Variants in INPP4B observed in about 807,000 individuals in gnomAD.
The protein encoded by INPP4B is inositol polyphosphate 4-phosphatase type II.
In INPP4B, 55 loss-of-function variants were observed where a neutral mutation model predicts 122.5. The observed-to-expected ratio is 0.45, with a 90% CI of 0.36 to 0.56. The LOEUF is 0.56. Ranked by LOEUF, INPP4B falls within the 20% of genes least tolerant of loss-of-function variation. The pLI is 0.00. For synonymous variants in INPP4B, 403 were observed against 388.7 expected, an observed-to-expected ratio of 1.04 and a Z score of -0.43; for missense variants, 1,000 against 1,097.7, an observed-to-expected ratio of 0.91 and a Z score of 1.26.
chr4:142,029,660 A>C (rs1398536053), intron 25 of INPP4B: 1 of 985,626 alleles, frequency 1.0e-6, no homozygotes, highest in Non-Finnish European at 1.2e-6. Flanking sequence ...GCAGCAAAGA[A>C]GTAAAACAGG....
chr4:142,448,940 AC>A (rs1813538500), intron 3 of INPP4B, among the ~76,000 whole-genome samples: 2 of 152,164 alleles, frequency 1.3e-5, no homozygotes, highest in Admixed American at 6.5e-5. Context: ...TCTCACGGAG[AC>A]CCCTGACCAG....
chr4:142,337,533 C>A (rs1243109819), intron 7 of INPP4B, among the ~76,000 whole-genome samples: 1 of 150,758 alleles, frequency 6.6e-6, no homozygotes, highest in East Asian at 1.9e-4. Flanking sequence ...TAATAATTAT[C>A]TGATTATTAA....
intron 8 of INPP4B, among the ~76,000 whole-genome samples, chr4:142,312,220 C>A (rs3775699): frequency 2.0e-5 from 3 of 151,948 alleles, no homozygotes; most frequent in Non-Finnish European, 4.4e-5. Context: ...CTCATTAACA[C>A]GCCTTGATGA....
At position 142,686,722 on chromosome 4, in the gene INPP4B, T is replaced by C. The variant is rs562616438; in HGVS notation, c.-191+39117A>G. Among the ~76,000 whole-genome samples the C allele has an allele frequency of 1.2e-4, 18 of 152,256 alleles. No individual in the cohort carries two copies. The East Asian group carries it at 1.7e-3, about 15-fold the overall frequency. ...AGATAGCATACTTCAAACACAGTTT[T>C]ATCAGTTATAATATTTGCTTATTCC... On this transcript the variant is annotated intron_variant, in intron 2 of 25. Coordinates refer to ENST00000262992, the MANE Select transcript of INPP4B (RefSeq NM_001101669.3).
At chr4:142,237,326 C>T (rs1857109368) in intron 12 of INPP4B, among the ~76,000 whole-genome samples, 1 of 151,916 alleles carries the variant, frequency 6.6e-6, no homozygotes, top group Admixed American at 6.6e-5. Context: ...GGCCAGATAC[C>T]AAGGTATCCA....
At chr4:142,397,800 C>CT (rs1463911041) in intron 7 of INPP4B, among the ~76,000 whole-genome samples, 1 of 151,848 alleles carries the variant, frequency 6.6e-6, no homozygotes, top group African/African-American at 2.4e-5. Flanking sequence ...CATTGAGCCA[C>CT]TGCATTCCAG....
chr4:142,417,844 G>A (rs573530719), intron 5 of INPP4B, among the ~76,000 whole-genome samples: 2 of 152,156 alleles, frequency 1.3e-5, no homozygotes, highest in Admixed American at 6.6e-5. Context: ...CTTCCCTCAC[G>A]GGCACATGTT....
chr4:142,641,302 G>C (rs1272895178), intron 2 of INPP4B, among the ~76,000 whole-genome samples: 1 of 151,508 alleles, frequency 6.6e-6, no homozygotes, highest in Non-Finnish European at 1.5e-5. Flanking sequence ...TAAGTTCTAG[G>C]GTACATGTGC....
intron 16 of INPP4B, among the ~76,000 whole-genome samples, chr4:142,165,132 T>G (rs904386781): frequency 4.0e-5 from 6 of 151,770 alleles, no homozygotes; most frequent in African/African-American, 1.2e-4. Flanking sequence ...CTGTTTTCAT[T>G]GCAAAGCCCT....
intron 17 of INPP4B, among the ~76,000 whole-genome samples, chr4:142,156,314 C>A (rs375185110): frequency 6.6e-6 from 1 of 152,042 alleles, no homozygotes; most frequent in Non-Finnish European, 1.5e-5. Flanking sequence ...CAGTGTTCCA[C>A]AGAATTTCAG....
At position 142,024,299 on chromosome 4, in the gene INPP4B, G is replaced by A. The variant is rs761358877; in HGVS notation, c.*4483C>T. Reference sequence around the variant, plus strand: ...TAAGCTAAGAAACATAAATACAGGTGGGAAAAAGCATAGCTTATGTAGATT... The same window carrying A: ...TAAGCTAAGAAACATAAATACAGGTAGGAAAAAGCATAGCTTATGTAGATT... On this transcript the variant is annotated 3_prime_UTR_variant, in exon 26 of 26. Transcript: ENST00000262992. 2.6e-5 allele frequency: 4 copies of A among 152,016 alleles called. No individual in the cohort carries two copies. Among genetic ancestry groups the A allele is most frequent in the South Asian group, 2.1e-4 (1 of 4,820 alleles). The allele number at this position is 152,016 out of a possible 1,614,324, so 9.4% of individuals were successfully genotyped here. A position where few individuals can be genotyped will look rare whatever the true frequency, so the allele number is the denominator to read the frequency against.
intron 2 of INPP4B, among the ~76,000 whole-genome samples, chr4:142,626,206 A>T (rs1455334886): frequency 6.6e-6 from 1 of 152,064 alleles, no homozygotes; most frequent in Admixed American, 6.6e-5. Context: ...AACCTACAAA[A>T]TTCACTCCTT....
chr4:142,786,359 G>T (rs982346207), intron 1 of INPP4B, among the ~76,000 whole-genome samples: 1 of 151,976 alleles, frequency 6.6e-6, no homozygotes, highest in Non-Finnish European at 1.5e-5. Context: ...AACAATTTAA[G>T]CAAAAAATAA....
At chr4:142,713,476 T>C (rs961584512) in intron 2 of INPP4B, among the ~76,000 whole-genome samples, 1 of 152,188 alleles carries the variant, frequency 6.6e-6, no homozygotes, top group Admixed American at 6.5e-5. Flanking sequence ...AAGATTGTTG[T>C]GGATCAAAGA....
At chr4:142,314,553 G>T (rs769767342) in intron 8 of INPP4B, among the ~76,000 whole-genome samples, 159 bp downstream of exon 8, 2 of 152,072 alleles carry the variant, frequency 1.3e-5, no homozygotes, top group Non-Finnish European at 2.9e-5. Flanking sequence ...TGAATTCCAT[G>T]CAATTCAGCA....
At chr4:142,775,190 C>A (rs1773672445) in intron 1 of INPP4B, among the ~76,000 whole-genome samples, 1 of 151,962 alleles carries the variant, frequency 6.6e-6, no homozygotes, top group Admixed American at 6.6e-5. Flanking sequence ...TGATGGTGAC[C>A]TTGATCATTC....
At chr4:142,819,155 A>G (rs1287744492) in intron 1 of INPP4B, among the ~76,000 whole-genome samples, 2 of 152,186 alleles carry the variant, frequency 1.3e-5, no homozygotes, top group Non-Finnish European at 2.9e-5. Context: ...GGTAAAAGAA[A>G]GATCAAGAAC....
intron 9 of INPP4B, among the ~76,000 whole-genome samples, chr4:142,293,040 C>CTTT (rs367850143): frequency 6.9e-5 from 10 of 145,964 alleles, no homozygotes; most frequent in African/African-American, 1.3e-4. Flanking sequence ...TTTTTATACC[C>CTTT]TTTTTTTTTT....
intron 1 of INPP4B, among the ~76,000 whole-genome samples, chr4:142,789,720 A>G (rs763715856): frequency 2.0e-5 from 3 of 152,142 alleles, no homozygotes; most frequent in Non-Finnish European, 4.4e-5. Flanking sequence ...CATTCTTCAC[A>G]GAATTAGAAA....
Sources: allele counts gnomAD v4.1 joint callset (sites outside exome capture counted in the v4.1 genomes callset), GRCh38; gene constraint gnomAD v4.1.1; transcripts MANE v1.5; gene names NCBI Gene and HGNC (gene_info 2026-07-23, HGNC 2026-07-21).